The following MIER3 variants were observed in gnomAD, a reference collection of about 807,000 sequenced individuals.
The protein encoded by MIER3 is mesoderm induction early response protein 3.
Under a neutral mutation model 63.2 loss-of-function variants are expected in MIER3, and 9 were observed. The observed-to-expected ratio is 0.14, with a 90% confidence interval of 0.09 to 0.25. MIER3 has a LOEUF of 0.25. Among genes scored for constraint, MIER3 ranks in the 10% least tolerant of loss-of-function variants. The pLI is 1.00. For synonymous variants in MIER3, 205 were observed against 224.9 expected (o/e 0.91, Z 0.79); for missense variants, 512 against 666.2 (o/e 0.77, Z 2.55).
chr5:56,950,662 A>C lies in MIER3; in HGVS notation c.10-10T>G. ...AACTTCCAAAAGAAGCCTAGGAGAG[A>C]GAGAAGAAAACGTGAGGTTAGATCG... On this transcript the variant is annotated splice_polypyrimidine_tract_variant and intron_variant, in intron 1 of 12. Transcript: ENST00000381199. The C allele has an allele frequency of 6.2e-7, 1 of 1,613,434 alleles. No individual in the cohort carries two copies. The highest frequency in any genetic ancestry group is 8.5e-7 in the Non-Finnish European group (1 of 1,179,628).
intron 5 of MIER3, among the ~76,000 whole-genome samples, chr5:56,936,614 G>A (rs746990022): frequency 4.6e-5 from 7 of 152,044 alleles, no homozygotes; most frequent in Non-Finnish European, 7.4e-5. Context: ...GAGCTTCAGT[G>A]ATCCTCCTAC....
rs944858450 is a variant in MIER3 at position 56,919,926 on chromosome 5, GTCAATATTTTAT to G, written c.*3190_*3201del. ...GGAACTTTTTAAAAAACATAGTAAC[GTCAATATTTTAT>G]AAATTATTTCAATTTCCATTTGTAG... On this transcript the variant is annotated 3_prime_UTR_variant, in exon 13 of 13. Transcript: ENST00000381199. 47 of 152,558 alleles carry G rather than the reference GTCAATATTTTAT, an allele frequency of 3.1e-4. No homozygotes were observed. The highest frequency in any genetic ancestry group is 2.9e-3 in the Admixed American group (44 of 15,288). 9.5% of individuals were successfully genotyped at this position (152,558 alleles called of 1,614,324 possible). A position where few individuals can be genotyped will look rare whatever the true frequency, so the allele number is the denominator to read the frequency against.
At chr5:56,931,027 C>G (rs924030578) in intron 8 of MIER3, among the ~76,000 whole-genome samples, 4 of 152,106 alleles carry the variant, frequency 2.6e-5, no homozygotes, top group Non-Finnish European at 1.5e-5. Context: ...AATAAAAACA[C>G]TAGGTCTAAG....
intron 3 of MIER3, among the ~76,000 whole-genome samples, chr5:56,943,208 G>A (rs1334555834): frequency 1.3e-5 from 2 of 151,990 alleles, no homozygotes; most frequent in Non-Finnish European, 2.9e-5. Context: ...CTGAACGGGA[G>A]GGAAGAAAGT....
chr5:56,925,171 C>T (rs76800767), intron 10 of MIER3, among the ~76,000 whole-genome samples: 8,482 of 152,166 alleles, frequency 0.056, 806 homozygotes, highest in African/African-American at 0.19. Context: ...TTAAATTATA[C>T]GCTTTATCTC....
At chr5:56,926,915 AACAAAC>A (rs1750013430) in intron 10 of MIER3, among the ~76,000 whole-genome samples, 2 of 152,170 alleles carry the variant, frequency 1.3e-5, no homozygotes, top group African/African-American at 2.4e-5. Context: ...CAAGCCTCAA[AACAAAC>A]ACAAACAAAC....
intron 10 of MIER3, 100 bp downstream of exon 10, chr5:56,928,667 A>T (rs1750122328): frequency 1.3e-6 from 1 of 762,112 alleles, no homozygotes; most frequent in Admixed American, 2.7e-5. Flanking sequence ...ATAAGGGAAC[A>T]TTAGTAAGTT....
intron 4 of MIER3, chr5:56,938,488 G>C: frequency 2.4e-6 from 1 of 418,914 alleles, no homozygotes; most frequent in South Asian, 1.8e-5. Flanking sequence ...GTCACTCCCA[G>C]AGCCAAGAAA....
At position 56,923,491 on chromosome 5, in the gene MIER3, T is replaced by C. The variant is rs778400127; in HGVS notation, c.1290A>G (p.Gln430=). The C allele has an allele frequency of 3.7e-6, 6 of 1,614,060 alleles. No individual in the cohort carries two copies. The highest frequency in any genetic ancestry group is 3.3e-5 in the Admixed American group (2 of 59,990). ...CTGTTACAACAGGCACATGATTAAC[T>C]TGTCCACGGGGTGTGTTGCCCAGTG... ...FPPLGNTPRG[Q]VNHVPVVTEE... Residue 430 remains glutamine (Q), a synonymous_variant, in exon 13 of 13, where the codon CAA becomes CAG. Coordinates refer to ENST00000381199, the MANE Select transcript of MIER3 (RefSeq NM_001297599.2).
intron 3 of MIER3, among the ~76,000 whole-genome samples, chr5:56,944,335 GC>G (rs1750753752): frequency 6.6e-6 from 1 of 151,938 alleles, no homozygotes; most frequent in African/African-American, 2.4e-5. Flanking sequence ...AAAAAAATTA[GC>G]CAGGCTTGGT....
intron 4 of MIER3, 168 bp downstream of exon 4, chr5:56,938,715 T>A: frequency 1.4e-6 from 1 of 731,184 alleles, no homozygotes; most frequent in Non-Finnish European, 2.2e-6. Flanking sequence ...ATACTACTCT[T>A]AACATAGGGT....
intron 3 of MIER3, among the ~76,000 whole-genome samples, chr5:56,940,561 G>A (rs1750610562): frequency 6.6e-6 from 1 of 152,196 alleles, no homozygotes; most frequent in South Asian, 2.1e-4. Context: ...CTTACAAACA[G>A]GTATATGATA....
intron 2 of MIER3, among the ~76,000 whole-genome samples, chr5:56,950,422 A>G (rs376101072): frequency 3.4e-4 from 51 of 150,868 alleles, no homozygotes; most frequent in African/African-American, 1.2e-3. Flanking sequence ...CAACTTTGTA[A>G]CAGTTACTTT....
intron 2 of MIER3, among the ~76,000 whole-genome samples, chr5:56,949,838 C>T (rs556909464): frequency 1.3e-5 from 2 of 152,288 alleles, no homozygotes; most frequent in South Asian, 4.1e-4. Flanking sequence ...AGAGGGAAGA[C>T]AGCAAAGAGG....
chr5:56,943,858 C>T lies in MIER3; in HGVS notation c.180+3068G>A, dbSNP rs537631539. Among the ~76,000 whole-genome samples the T allele has an allele frequency of 9.9e-5, 15 of 152,280 alleles. No homozygotes were observed. In the South Asian group the frequency reaches 3.1e-3, roughly 32 times the overall value. On this transcript the variant is annotated intron_variant, in intron 3 of 12. Coordinates refer to ENST00000381199, the MANE Select transcript of MIER3 (RefSeq NM_001297599.2). ...CCTTATCCCGGGTATAAGGATTTTT[C>T]TCTTCCTCTTCTTGGGTATTTTGTT...
chr5:56,943,850 G>A (rs75565987), intron 3 of MIER3, among the ~76,000 whole-genome samples: 2,196 of 152,218 alleles, frequency 0.014, 19 homozygotes, highest in Non-Finnish European at 0.024. Context: ...CCGGGTATAA[G>A]GATTTTTCTC....
chr5:56,930,915 C>T (rs1251345869), intron 8 of MIER3, among the ~76,000 whole-genome samples, 170 bp from the exon 9 acceptor site: 1 of 152,190 alleles, frequency 6.6e-6, no homozygotes, highest in Non-Finnish European at 1.5e-5. Context: ...ATATAACTAT[C>T]ATGCAGATTG....
chr5:56,942,313 A>G (rs77759084), intron 3 of MIER3, among the ~76,000 whole-genome samples: 2,202 of 152,344 alleles, frequency 0.014, 19 homozygotes, highest in Non-Finnish European at 0.024. Context: ...ATTCTTAAAC[A>G]TGATTTGTAT....
intron 10 of MIER3, chr5:56,925,452 C>A: frequency 2.7e-6 from 1 of 367,714 alleles, no homozygotes; most frequent in Non-Finnish European, 5.3e-6. Context: ...AACTGCTTTC[C>A]TATATAACAG....
Sources: allele counts gnomAD v4.1 joint callset (sites outside exome capture counted in the v4.1 genomes callset), GRCh38; gene constraint gnomAD v4.1.1; transcripts MANE v1.5; gene names NCBI Gene and HGNC (gene_info 2026-07-23, HGNC 2026-07-21).